Variants in ACTN4 observed in about 807,000 individuals in gnomAD.
ACTN4 encodes the protein actinin alpha 4.
A neutral mutation model predicts 114.2 loss-of-function variants in ACTN4; 18 were observed. The observed-to-expected ratio is 0.16, with a 90% CI of 0.11 to 0.23. ACTN4 has a LOEUF of 0.23. Ranked by LOEUF, ACTN4 falls within the 10% of genes least tolerant of loss-of-function variation. The pLI, the probability that ACTN4 is intolerant of heterozygous loss-of-function variation, is 1.00. For missense variants in ACTN4, 722 were observed against 1,262.9 expected (o/e 0.57, Z 6.49); for synonymous variants, 515 against 506.3 (o/e 1.02, Z -0.23).
In ACTN4 at chr19:38,723,597, C is replaced by G. The variant is rs750137612; in HGVS notation, c.1443-17C>G. ...CTTGCCCTTGCCGAGTCTCATTGCT[C>G]TCTGCCCGGCCCGCAGCGAGCTGGA... On this transcript the variant is annotated splice_polypyrimidine_tract_variant and intron_variant, in intron 12 of 20. Coordinates refer to ENST00000252699, the MANE Select transcript of ACTN4 (RefSeq NM_004924.6). The G allele has an allele frequency of 6.3e-7, 1 of 1,586,906 alleles. No individual in the cohort carries two copies. Among genetic ancestry groups the G allele is most frequent in the Non-Finnish European group, 8.6e-7 (1 of 1,162,130 alleles).
rs1462903467 is a variant in ACTN4, at chr19:38,729,620, C to A, written c.*188C>A. 1 of 861,990 alleles carries A rather than the reference C, an allele frequency of 1.2e-6. No individual in the cohort carries two copies. 53.4% of individuals were successfully genotyped at this position (861,990 alleles called of 1,614,324 possible). A position where few individuals can be genotyped will look rare whatever the true frequency, so the allele number is the denominator to read the frequency against. On this transcript the variant is annotated 3_prime_UTR_variant, in exon 21 of 21. Coordinates refer to ENST00000252699, the MANE Select transcript of ACTN4 (RefSeq NM_004924.6). Reference sequence around the variant, plus strand: ...TCTTTGTGGGTTGGCCAGGAGGTTCCCCCGACCAGGTTGGGGAGACTTGGG... The same window carrying A: ...TCTTTGTGGGTTGGCCAGGAGGTTCACCCGACCAGGTTGGGGAGACTTGGG...
chr19:38,727,641 C>G lies in ACTN4; in HGVS notation c.2338-305C>G, dbSNP rs1969285936. Among the ~76,000 whole-genome samples, 1 of 149,440 alleles carries G rather than the reference C, an allele frequency of 6.7e-6. No individual in the cohort carries two copies. The highest frequency in any genetic ancestry group is 1.5e-5 in the Non-Finnish European group (1 of 67,162). On this transcript the variant is annotated intron_variant, in intron 18 of 20. Coordinates refer to ENST00000252699, the MANE Select transcript of ACTN4 (RefSeq NM_004924.6). This position sits in a 1 kb window ranked among gnomAD's most constrained non-coding sequence, Gnocchi z 5.4. The stretch of plus-strand genomic sequence containing the variant: ...AGGCAAGGAGAACCCCCCCCCCGAC[C>G]CTCCACCAGTCCTGGGACTTGTCCT...
chr19:38,655,452 A>C (rs1258193970), intron 1 of ACTN4, among the ~76,000 whole-genome samples: 3 of 152,232 alleles, frequency 2.0e-5, no homozygotes, highest in Non-Finnish European at 2.9e-5. Flanking sequence ...AATGTGATTC[A>C]GGGTGTAATG....
intron 6 of ACTN4, 71 bp from the exon 7 acceptor site, chr19:38,709,324 G>C: frequency 1.6e-6 from 2 of 1,214,030 alleles, no homozygotes; most frequent in African/African-American, 3.0e-5. Context: ...CTCTGGGCCA[G>C]CCCTGCCTCC....
intron 1 of ACTN4, among the ~76,000 whole-genome samples, chr19:38,681,913 C>T (rs1967589059): frequency 6.6e-6 from 1 of 152,166 alleles, no homozygotes; most frequent in Non-Finnish European, 1.5e-5. Context: ...TTACTGCAGC[C>T]TCCGCCTCCT....
chr19:38,689,448 A>G (rs1967851939), intron 1 of ACTN4, among the ~76,000 whole-genome samples: 1 of 152,146 alleles, frequency 6.6e-6, no homozygotes, highest in African/African-American at 2.4e-5. Flanking sequence ...GTTGGAGAGT[A>G]ACTGTACCAG....
chr19:38,727,230 C>A lies in ACTN4; in HGVS notation c.2337+127C>A. On this transcript the variant is annotated intron_variant, in intron 18 of 20. Coordinates refer to ENST00000252699, the MANE Select transcript of ACTN4 (RefSeq NM_004924.6). The surrounding 1 kb of genome is among the most constrained non-coding windows in gnomAD (Gnocchi z 5.4). ...TGAGCGTCGGCCGCCACTCCCAGGG[C>A]CAGCAGGGCCCTGCCACTGTCAGGG... The A allele has an allele frequency of 1.4e-6, 2 of 1,416,510 alleles. No individual in the cohort carries two copies. The highest frequency in any genetic ancestry group is 1.9e-6 in the Non-Finnish European group (2 of 1,027,962). The allele number at this position is 1,416,510 out of a possible 1,614,324, so 87.7% of individuals were successfully genotyped here.
intron 3 of ACTN4, among the ~76,000 whole-genome samples, chr19:38,701,909 CTG>C (rs1299577623): frequency 2.0e-5 from 3 of 152,266 alleles, no homozygotes; most frequent in Non-Finnish European, 4.4e-5. Flanking sequence ...TGACAGGGCT[CTG>C]AGAGTTTGGC....
At chr19:38,677,434 C>T (rs1193429413) in intron 1 of ACTN4, among the ~76,000 whole-genome samples, 3 of 152,122 alleles carry the variant, frequency 2.0e-5, no homozygotes, top group Non-Finnish European at 4.4e-5. Context: ...AAGATGGAGA[C>T]ATCACTTGTC....
chr19:38,723,884 A>G (rs1969134443), intron 13 of ACTN4, 53 bp from the exon 14 acceptor site: 21 of 1,584,102 alleles, frequency 1.3e-5, no homozygotes, highest in Non-Finnish European at 1.8e-5. Context: ...CCTCCTGCTC[A>G]CATACTGACC....
intron 11 of ACTN4, among the ~76,000 whole-genome samples, chr19:38,718,979 C>T (rs1428226522): frequency 6.6e-6 from 1 of 152,216 alleles, no homozygotes; most frequent in African/African-American, 2.4e-5. Context: ...TCAGCATGGC[C>T]CACCTGTGAG....
In ACTN4 at chr19:38,730,547, CTTT is replaced by C. The variant is rs1046000863; in HGVS notation, c.*1120_*1122del. On this transcript the variant is annotated 3_prime_UTR_variant, in exon 21 of 21. Transcript: ENST00000252699. ...TTAAGAAGGATTCCTGCAGCATCAT[CTTT>C]TTTTATTTCTCCTGTGTCTGTCCTC... 2.8e-5 allele frequency: 13 copies of C among 466,268 alleles called. No homozygotes were observed. The Admixed American group carries it at 4.4e-4, about 16-fold the overall frequency. The allele number at this position is 466,268 out of a possible 1,614,324, so 28.9% of individuals were successfully genotyped here. A position where few individuals can be genotyped will look rare whatever the true frequency, so the allele number is the denominator to read the frequency against.
At chr19:38,677,902 T>C (rs1353639004) in intron 1 of ACTN4, among the ~76,000 whole-genome samples, 1 of 152,058 alleles carries the variant, frequency 6.6e-6, no homozygotes, top group Non-Finnish European at 1.5e-5. Flanking sequence ...AATTTTTGTA[T>C]TTTTGGTAGA....
At chr19:38,700,894 AC>A (rs1426443197) in intron 2 of ACTN4, 107 bp from the exon 3 acceptor site, 1 of 1,515,608 alleles carries the variant, frequency 6.6e-7, no homozygotes, top group Non-Finnish European at 9.0e-7. Context: ...CAGCAGAGGA[AC>A]CTGCTTTTGG....
At position 38,708,097 on chromosome 19, in the gene ACTN4, C is replaced by T; in HGVS notation, c.573-20C>T. 6.2e-7 allele frequency: 1 copy of T among 1,613,950 alleles called. No homozygotes were observed. The highest frequency in any genetic ancestry group is 8.5e-7 in the Non-Finnish European group (1 of 1,179,776). ...GACAGTGAGCGGGCCCTCCTATAAC[C>T]TTTGCCTTTCCTTCCCCAGCTGGAA... On this transcript the variant is annotated intron_variant, in intron 5 of 20. Coordinates refer to ENST00000252699, the MANE Select transcript of ACTN4 (RefSeq NM_004924.6).
At chr19:38,658,795 C>T (rs976241415) in intron 1 of ACTN4, among the ~76,000 whole-genome samples, 10 of 152,076 alleles carry the variant, frequency 6.6e-5, no homozygotes, top group African/African-American at 1.9e-4. Flanking sequence ...GGTATCCAGA[C>T]GGTAAACATC....
intron 6 of ACTN4, 46 bp from the exon 7 acceptor site, chr19:38,709,349 C>T (rs374419676): frequency 1.4e-6 from 2 of 1,459,138 alleles, no homozygotes; most frequent in Admixed American, 1.7e-5. Context: ...TGCTCCTGCA[C>T]CCTGCCCTGA....
chr19:38,673,884 G>A (rs931156359), intron 1 of ACTN4, among the ~76,000 whole-genome samples: 1 of 143,222 alleles, frequency 7.0e-6, no homozygotes, highest in Non-Finnish European at 1.5e-5. Context: ...CCAGGTTCAA[G>A]CAATTCTCTG....
rs1450282701 is a variant in ACTN4, at chr19:38,727,279, C to T, written c.2337+176C>T. 6.6e-6 allele frequency among the ~76,000 whole-genome samples: 1 copy of T among 152,158 alleles called. No homozygotes were observed. Among genetic ancestry groups the T allele is most frequent in the East Asian group, 1.9e-4 (1 of 5,186 alleles). On this transcript the variant is annotated intron_variant, in intron 18 of 20. Transcript: ENST00000252699. The surrounding 1 kb of genome is among the most constrained non-coding windows in gnomAD (Gnocchi z 5.4). ...GGTGTAGGTGTGCGGCACCAAGACC[C>T]CAGCCTGGGCCACTTCACACGCACA...
Sources: gnomAD v4.1 joint callset for allele counts (sites outside exome capture counted in the v4.1 genomes callset) on GRCh38, gnomAD v4.1.1 for gene constraint, Gnocchi (gnomAD v3.1) non-coding constraint, MANE v1.5 for transcripts, NCBI Gene and HGNC (gene_info 2026-07-23, HGNC 2026-07-21) for gene names.